The following HCST variants were observed in gnomAD, a reference collection of about 807,000 sequenced individuals.
HCST encodes DNAX-activation protein 10.
HCST carries 12 observed loss-of-function variants against 10.8 expected under a neutral mutation model. The ratio of observed to expected loss-of-function variants is 1.12; its 90% CI spans 0.72 to 1.81. The LOEUF is 1.81. HCST is among the 40% of genes most tolerant of loss of function. The pLI is 0.00. For missense variants in HCST, 102 were observed against 117.9 expected (o/e 0.87, Z 0.62); for synonymous variants, 59 against 51.6 (o/e 1.14, Z -0.61).
chr19:35,903,658 C>T, intron 2 of HCST, 114 bp from the exon 3 acceptor site: 1 of 1,502,422 alleles, frequency 6.7e-7, no homozygotes, highest in Non-Finnish European at 9.1e-7. Context: ...AGCGCAACTC[C>T]AAGGAACCTG....
Position 35,903,786 on chromosome 19 carries a change from T to C in HCST, c.124T>C (p.Cys42Arg), listed in dbSNP as rs148597733. 6.3e-4 allele frequency: 1,012 copies of C among 1,614,054 alleles called. 1 individual carries two copies. The highest frequency in any genetic ancestry group is 8.1e-4 in the Non-Finnish European group (954 of 1,180,000). The change falls in exon 3 of 4, where the codon TGT (cysteine) becomes CGT (arginine). Residue 42 changes from cysteine to arginine, a missense_variant. Cys to Arg is a radical substitution (Grantham distance 180, BLOSUM62 -3). Coordinates refer to ENST00000246551, the MANE Select transcript of HCST (RefSeq NM_014266.4). ...YPGTSGSCSG[C>R]GSLSLPLLAG... ...CCACTCTCCAGGCTCTTGTTCCGGATGTGGGTCCCTCTCTCTGCCGCTCCT... is the reference window on the plus strand; with the variant it reads ...CCACTCTCCAGGCTCTTGTTCCGGACGTGGGTCCCTCTCTCTGCCGCTCCT...
Position 35,904,143 on chromosome 19 carries a change from A to C in HCST, c.265A>C (p.Met89Leu), listed in dbSNP as rs748930067. The C allele has an allele frequency of 6.2e-7, 1 of 1,614,082 alleles. No homozygotes were observed. Among genetic ancestry groups the C allele is most frequent in the Non-Finnish European group, 8.5e-7 (1 of 1,179,964 alleles). The change falls in exon 4 of 4, where the codon ATG (methionine) becomes CTG (leucine). Residue 89 changes from methionine (M) to leucine (L), a missense_variant. Transcript: ENST00000246551. ...AGAAGATGGCAAAGTCTACATCAAC[A>C]TGCCAGGCAGGGGCTGACCCTCCTG... Reference protein sequence around the residue: ...AQEDGKVYINMPGRG With the variant: ...AQEDGKVYINLPGRG
At position 35,904,166 on chromosome 19, in the gene HCST, C is replaced by T. The variant is rs372342355; in HGVS notation, c.*6C>T. The T allele has an allele frequency of 1.4e-5, 22 of 1,614,084 alleles. No homozygotes were observed. The highest frequency in any genetic ancestry group is 1.9e-5 in the Non-Finnish European group (22 of 1,179,930). ...ACATGCCAGGCAGGGGCTGACCCTCCTGCAGCTTGGACCTTTGACTTCTGA... is the reference window on the plus strand; with the variant it reads ...ACATGCCAGGCAGGGGCTGACCCTCTTGCAGCTTGGACCTTTGACTTCTGA... On this transcript the variant is annotated 3_prime_UTR_variant, in exon 4 of 4. Coordinates refer to ENST00000246551, the MANE Select transcript of HCST (RefSeq NM_014266.4).
chr19:35,903,455 A>G (rs1975632479), intron 2 of HCST, 39 bp downstream of exon 2: 2 of 1,534,914 alleles, frequency 1.3e-6, no homozygotes, highest in African/African-American at 1.4e-5. Context: ...AGAGGCTCCC[A>G]GAACACCCCA....
intron 3 of HCST, 98 bp from the exon 4 acceptor site, chr19:35,904,022 C>G (rs1229016151): frequency 1.9e-6 from 3 of 1,589,042 alleles, no homozygotes; most frequent in Non-Finnish European, 2.6e-6. Context: ...GGGGGAGGTG[C>G]CTGGGGGAAC....
intron 1 of HCST, chr19:35,902,864 G>A (rs1044658338): frequency 7.3e-6 from 4 of 548,696 alleles, no homozygotes; most frequent in Non-Finnish European, 1.3e-5. Flanking sequence ...CTGGGTCTCT[G>A]CTGCCACTTC....
chr19:35,903,576 T>G, intron 2 of HCST, 160 bp downstream of exon 2: 1 of 1,001,606 alleles, frequency 1.0e-6, no homozygotes, highest in Non-Finnish European at 1.5e-6. Context: ...GCACCCCGTG[T>G]GCCCGCCGCA....
At chr19:35,903,475 C>A in intron 2 of HCST, 59 bp downstream of exon 2, 2 of 1,429,010 alleles carry the variant, frequency 1.4e-6, no homozygotes, top group Non-Finnish European at 9.9e-7. Flanking sequence ...AGTGGTTCTC[C>A]AGGTCACCAT....
At position 35,903,746 on chromosome 19, in the gene HCST, T is replaced by C. The variant is rs199561386; in HGVS notation, c.110-26T>C. ...CCCAGGACGCAGAGCTTGAGTTGTC[T>C]CCCTGTTCCGGCCCCCACTCTCCAG... On this transcript the variant is annotated intron_variant, in intron 2 of 3. Coordinates refer to ENST00000246551, the MANE Select transcript of HCST (RefSeq NM_014266.4). The C allele has an allele frequency of 6.5e-4, 1,055 of 1,613,968 alleles. 13 individuals are homozygous for C. In the African/African-American group the frequency reaches 0.013, roughly 20 times the overall value.
intron 1 of HCST, 35 bp downstream of exon 1, chr19:35,902,671 G>A: frequency 6.2e-7 from 1 of 1,610,606 alleles, no homozygotes; most frequent in Non-Finnish European, 8.5e-7. Context: ...GGTAGGCAGA[G>A]CGTTTGTGAG....
chr19:35,903,389 C>A lies in HCST; in HGVS notation c.82C>A (p.Leu28Ile). 2 of 1,613,964 alleles carry A rather than the reference C, an allele frequency of 1.2e-6. No individual in the cohort carries two copies. Among genetic ancestry groups the A allele is most frequent in the Non-Finnish European group, 1.7e-6 (2 of 1,179,918 alleles). ...GACGACTCCAGGAGAGAGATCATCA[C>A]TCCCTGCCTTTTACCCTGGCACTTC... ...AQTTPGERSS[L>I]PAFYPGTSGS... The change falls in exon 2 of 4, where the codon CTC becomes ATC. Residue 28 changes from leucine (L) to isoleucine (I), a missense_variant. Leu to Ile is a conservative substitution (Grantham distance 5). Coordinates refer to ENST00000246551, the MANE Select transcript of HCST (RefSeq NM_014266.4).
chr19:35,903,579 C>A, intron 2 of HCST, 163 bp downstream of exon 2: 1 of 1,017,718 alleles, frequency 9.8e-7, no homozygotes, highest in Non-Finnish European at 1.5e-6. Flanking sequence ...CCCCGTGTGC[C>A]CGCCGCACAG....
At chr19:35,902,719 A>G in intron 1 of HCST, 83 bp downstream of exon 1, 2 of 1,394,544 alleles carry the variant, frequency 1.4e-6, no homozygotes, top group Non-Finnish European at 2.0e-6. Flanking sequence ...ACGGGTGATG[A>G]AAGTGGGGTT....
chr19:35,903,352 G>C lies in HCST; in HGVS notation c.45G>C (p.Val15=), dbSNP rs1435689384. The C allele has an allele frequency of 3.7e-6, 6 of 1,613,216 alleles. No individual in the cohort carries two copies. Among genetic ancestry groups the C allele is most frequent in the Non-Finnish European group, 5.1e-6 (6 of 1,179,592 alleles). ...TCCACCTTCTTTCTCTTTCCACAGTGGCTGCAGCTCAGACGACTCCAGGAG... is the reference window on the plus strand; with the variant it reads ...TCCACCTTCTTTCTCTTTCCACAGTCGCTGCAGCTCAGACGACTCCAGGAG... ...GHILFLLLLP[V]AAAQTTPGER... Residue 15 remains valine, a splice_region_variant and synonymous_variant, in exon 2 of 4, where the codon GTG becomes GTC. Coordinates refer to ENST00000246551, the MANE Select transcript of HCST (RefSeq NM_014266.4).
chr19:35,902,967 A>T (rs1161490754), intron 1 of HCST: 2 of 436,474 alleles, frequency 4.6e-6, no homozygotes, highest in Non-Finnish European at 8.3e-6. Flanking sequence ...TCAGGACACT[A>T]CCTTTCCTTC....
Position 35,904,243 on chromosome 19 carries a change from T to G in HCST, c.*83T>G. The G allele has an allele frequency of 1.4e-6, 2 of 1,410,458 alleles. No individual in the cohort carries two copies. Among genetic ancestry groups the G allele is most frequent in the Non-Finnish European group, 2.0e-6 (2 of 1,001,550 alleles). 87.4% of individuals were successfully genotyped at this position (1,410,458 alleles called of 1,614,324 possible). A position where few individuals can be genotyped will look rare whatever the true frequency, so the allele number is the denominator to read the frequency against. ...GGCACAGGAACCCCCGCCCCAACTT[T>G]TGGATTGTAATAAAACAATTGAAAC... On this transcript the variant is annotated 3_prime_UTR_variant, in exon 4 of 4. Transcript: ENST00000246551.
chr19:35,903,844 C>T lies in HCST; in HGVS notation c.182C>T (p.Ser61Leu). 6.2e-7 allele frequency: 1 copy of T among 1,613,678 alleles called. No homozygotes were observed. Among genetic ancestry groups the T allele is most frequent in the Admixed American group, 1.7e-5 (1 of 59,996 alleles). The change falls in exon 3 of 4, where the codon TCG (serine) becomes TTG (leucine). Residue 61 changes from serine to leucine, a missense_variant. By Grantham distance (145) the Ser-to-Leu change is moderately radical. Coordinates refer to ENST00000246551, the MANE Select transcript of HCST (RefSeq NM_014266.4). ...CTCGTGGCTGCTGATGCGGTGGCAT[C>T]GCTGCTCATCGTGGGGGCGGTGTTC... ...AGLVAADAVA[S>L]LLIVGAVFLC... is the part of the protein sequence containing the mutation.
chr19:35,902,792 G>A, intron 1 of HCST, 156 bp downstream of exon 1: 1 of 723,730 alleles, frequency 1.4e-6, no homozygotes, highest in Non-Finnish European at 2.3e-6. Context: ...GGTCCTTGGG[G>A]GCGGAAGGGG....
intron 2 of HCST, 22 bp from the exon 3 acceptor site, chr19:35,903,750 T>A (rs1422956459): frequency 1.2e-6 from 2 of 1,614,024 alleles, no homozygotes; most frequent in Non-Finnish European, 1.7e-6. Context: ...GTTGTCTCCC[T>A]GTTCCGGCCC....
Sources: allele counts gnomAD v4.1 joint callset, GRCh38; gene constraint gnomAD v4.1.1; transcripts MANE v1.5; gene names NCBI Gene and HGNC (gene_info 2026-07-23, HGNC 2026-07-21).